The following ADAMTSL1 variants were observed in gnomAD, a reference collection of about 807,000 sequenced individuals.
The protein encoded by ADAMTSL1 is ADAMTS like 1.
ADAMTSL1 carries 126 observed loss-of-function variants against 201.8 expected under a neutral mutation model. The ratio of observed to expected loss-of-function variants is 0.62; its 90% CI spans 0.54 to 0.72. ADAMTSL1 has a LOEUF of 0.72. Among genes scored for constraint, ADAMTSL1 ranks in the 30% least tolerant of loss-of-function variants. The pLI, the probability that ADAMTSL1 is intolerant of heterozygous loss-of-function variation, is 0.00. For synonymous variants in ADAMTSL1, 1,121 were observed against 903.4 expected, an observed-to-expected ratio of 1.24 and a Z score of -4.32; for missense variants, 2,679 against 2,277.8, an observed-to-expected ratio of 1.18 and a Z score of -3.59.
At chr9:18,401,467 A>G (rs1057314029) in intron 2 of ADAMTSL1, among the ~76,000 whole-genome samples, 1 of 152,206 alleles carries the variant, frequency 6.6e-6, no homozygotes, top group Non-Finnish European at 1.5e-5. Flanking sequence ...TTAAGTACCA[A>G]TGCCTGCACC....
At chr9:17,926,394 A>C (rs956083221) in intron 1 of ADAMTSL1, among the ~76,000 whole-genome samples, 1 of 152,084 alleles carries the variant, frequency 6.6e-6, no homozygotes, top group African/African-American at 2.4e-5. Flanking sequence ...TTATTTCACC[A>C]CTCGGCCACA....
chr9:18,417,203 A>G (rs1273090450), intron 2 of ADAMTSL1, among the ~76,000 whole-genome samples: 1 of 151,994 alleles, frequency 6.6e-6, no homozygotes, highest in Non-Finnish European at 1.5e-5. Flanking sequence ...GGAAAATTAT[A>G]ACGTATTTTG....
At chr9:18,879,419 C>T (rs1439820895) in intron 23 of ADAMTSL1, among the ~76,000 whole-genome samples, 1 of 152,114 alleles carries the variant, frequency 6.6e-6, no homozygotes, top group African/African-American at 2.4e-5. Context: ...TGATCTTAGC[C>T]TTGATAAGTT....
intron 23 of ADAMTSL1, among the ~76,000 whole-genome samples, chr9:18,855,041 A>T (rs950398269): frequency 5.9e-5 from 9 of 152,072 alleles, no homozygotes; most frequent in Non-Finnish European, 1.0e-4. Flanking sequence ...TAGGATTGGG[A>T]ACCTATATTC....
At chr9:18,835,064 T>C (rs1825231018) in intron 23 of ADAMTSL1, among the ~76,000 whole-genome samples, 1 of 152,170 alleles carries the variant, frequency 6.6e-6, no homozygotes, top group African/African-American at 2.4e-5. Flanking sequence ...AAAGTAGTTG[T>C]ACTACTTTAC....
intron 16 of ADAMTSL1, among the ~76,000 whole-genome samples, chr9:18,764,393 G>C (rs1190607734): frequency 6.6e-6 from 1 of 152,182 alleles, no homozygotes; most frequent in East Asian, 1.9e-4. Flanking sequence ...TAGTTTTCTT[G>C]TGGAGTCTTT....
chr9:18,822,463 G>A (rs1404386598), intron 21 of ADAMTSL1, among the ~76,000 whole-genome samples: 1 of 152,194 alleles, frequency 6.6e-6, no homozygotes, highest in Non-Finnish European at 1.5e-5. Flanking sequence ...TCAAGAGTCA[G>A]GCTAGTATAA....
intron 7 of ADAMTSL1, among the ~76,000 whole-genome samples, chr9:18,645,557 A>C (rs942351724): frequency 6.6e-6 from 1 of 151,430 alleles, no homozygotes; most frequent in Non-Finnish European, 1.5e-5. Context: ...TCTTGAATTA[A>C]TTTTTGTATA....
chr9:18,169,700 A>C (rs551604344), intron 2 of ADAMTSL1, among the ~76,000 whole-genome samples: 1 of 152,210 alleles, frequency 6.6e-6, no homozygotes, highest in South Asian at 2.1e-4. Context: ...CATTGAATCT[A>C]TAAATTACCT....
At chr9:18,320,565 A>G (rs1157343853) in intron 2 of ADAMTSL1, among the ~76,000 whole-genome samples, 6 of 152,232 alleles carry the variant, frequency 3.9e-5, no homozygotes, top group African/African-American at 1.4e-4. Flanking sequence ...CCAAATCTAG[A>G]GGAAGAAATT....
At chr9:18,658,207 C>G (rs1021095846) in intron 8 of ADAMTSL1, among the ~76,000 whole-genome samples, 2 of 152,144 alleles carry the variant, frequency 1.3e-5, no homozygotes, top group East Asian at 3.9e-4. Context: ...ATCTCCTGAC[C>G]TCGTGATCCG....
chr9:17,956,685 A>G (rs985389178), intron 1 of ADAMTSL1, among the ~76,000 whole-genome samples: 1 of 152,258 alleles, frequency 6.6e-6, no homozygotes, highest in South Asian at 2.1e-4. Context: ...TTTATTGATC[A>G]TGCAAGTCAC....
At chr9:18,642,014 T>G (rs1827474579) in intron 7 of ADAMTSL1, among the ~76,000 whole-genome samples, 1 of 152,006 alleles carries the variant, frequency 6.6e-6, no homozygotes, top group African/African-American at 2.4e-5. Context: ...AAAATCCATC[T>G]TCACAATCAG....
intron 1 of ADAMTSL1, among the ~76,000 whole-genome samples, chr9:18,045,154 T>G (rs1437626744): frequency 6.6e-6 from 1 of 152,128 alleles, no homozygotes; most frequent in Admixed American, 6.5e-5. Flanking sequence ...AGAAGGACAC[T>G]AACGTATATG....
At chr9:18,031,673 G>C (rs1033502893) in intron 1 of ADAMTSL1, among the ~76,000 whole-genome samples, 1 of 152,142 alleles carries the variant, frequency 6.6e-6, no homozygotes, top group Non-Finnish European at 1.5e-5. Context: ...CCAGGGCTTT[G>C]GTGGAGCCTT....
chr9:18,228,848 T>G (rs1830533670), intron 2 of ADAMTSL1, among the ~76,000 whole-genome samples: 1 of 152,042 alleles, frequency 6.6e-6, no homozygotes, highest in Non-Finnish European at 1.5e-5. Context: ...TTTTGTTTTT[T>G]TTTTTTTTGT....
At chr9:17,962,993 C>T (rs1466579807) in intron 1 of ADAMTSL1, among the ~76,000 whole-genome samples, 1 of 152,212 alleles carries the variant, frequency 6.6e-6, no homozygotes, top group Non-Finnish European at 1.5e-5. Context: ...AGATAGGATT[C>T]CCTGTGACCT....
intron 2 of ADAMTSL1, among the ~76,000 whole-genome samples, chr9:18,247,727 C>T (rs1170709020): frequency 1.3e-5 from 2 of 151,938 alleles, no homozygotes; most frequent in African/African-American, 4.8e-5. Context: ...GCAGAGGCTT[C>T]AAGGAGGCCT....
At chr9:17,924,227 A>G (rs1052617137) in intron 1 of ADAMTSL1, among the ~76,000 whole-genome samples, 9 of 152,046 alleles carry the variant, frequency 5.9e-5, no homozygotes, top group African/African-American at 2.2e-4. Flanking sequence ...TACCTCTGGT[A>G]GAATTAGGCT....
Sources: gnomAD v4.1 joint callset for allele counts (sites outside exome capture counted in the v4.1 genomes callset) on GRCh38, gnomAD v4.1.1 for gene constraint, MANE v1.5 for transcripts, NCBI Gene and HGNC (gene_info 2026-07-23, HGNC 2026-07-21) for gene names.